Variants in GSK3B observed in about 807,000 individuals in gnomAD.
The protein encoded by GSK3B is glycogen synthase kinase-3 beta.
A neutral mutation model predicts 56.4 loss-of-function variants in GSK3B; 15 were observed. The observed-to-expected ratio is 0.27, with a 90% CI of 0.18 to 0.41. GSK3B has a LOEUF of 0.41. Among genes scored for constraint, GSK3B ranks in the 10% least tolerant of loss-of-function variants. GSK3B has a pLI of 1.00. For missense variants in GSK3B, 300 were observed against 513.4 expected (o/e 0.58, Z 4.02); for synonymous variants, 181 against 188.9 (o/e 0.96, Z 0.34).
At chr3:119,902,623 T>C (rs1322373928) in intron 7 of GSK3B, among the ~76,000 whole-genome samples, 2 of 152,130 alleles carry the variant, frequency 1.3e-5, no homozygotes, top group African/African-American at 4.8e-5. Context: ...TCTTGAACTC[T>C]TGACCTCAAG....
At chr3:119,996,725 CAT>C (rs1265321530) in intron 2 of GSK3B, among the ~76,000 whole-genome samples, 1 of 151,866 alleles carries the variant, frequency 6.6e-6, no homozygotes, top group Non-Finnish European at 1.5e-5. Flanking sequence ...AAGTATTTGA[CAT>C]ATTCTTTCTT....
Position 120,086,557 on chromosome 3 carries a change from G to A in GSK3B, c.88+6790C>T, listed in dbSNP as rs1277113227. On this transcript the variant is annotated intron_variant, in intron 1 of 10. Transcript: ENST00000264235. ...TCATGACTGTAATCCCAGCACTGTG[G>A]GAGGCTGAGGCAGGATTGCTTGATT... is the stretch of plus-strand genomic sequence containing the variant. Among the ~76,000 whole-genome samples, 3 of 152,166 alleles carry A rather than the reference G, an allele frequency of 2.0e-5. No individual in the cohort carries two copies. In the East Asian group the frequency reaches 5.8e-4, roughly 29 times the overall value.
At chr3:119,966,612 T>A (rs1199296347) in intron 2 of GSK3B, among the ~76,000 whole-genome samples, 2 of 152,172 alleles carry the variant, frequency 1.3e-5, no homozygotes, top group South Asian at 4.1e-4. Context: ...TCAGAGAGAC[T>A]GGCTGGGGGT....
intron 1 of GSK3B, among the ~76,000 whole-genome samples, chr3:120,003,911 C>T (rs1163110618): frequency 6.6e-6 from 1 of 152,230 alleles, no homozygotes; most frequent in Non-Finnish European, 1.5e-5. Context: ...GCAGGTGCAG[C>T]CCATGGAGGG....
chr3:119,892,457 C>G (rs1045333760), intron 7 of GSK3B, among the ~76,000 whole-genome samples: 4 of 152,164 alleles, frequency 2.6e-5, no homozygotes, highest in African/African-American at 9.7e-5. Flanking sequence ...GTTAGCTCTC[C>G]TAAGAAGGCT....
chr3:120,094,429 G>A lies in GSK3B; in HGVS notation c.-995C>T, dbSNP rs1360498984. On this transcript the variant is annotated 5_prime_UTR_variant, in exon 1 of 11. Transcript: ENST00000264235. ...GCGGCACAAGCCCGCATTCGCCCGG[G>A]TCAGGAGCTGCTCTGTGTGAGGAGC... is the stretch of plus-strand genomic sequence containing the variant. 2 of 309,604 alleles carry A rather than the reference G, an allele frequency of 6.5e-6. No individual in the cohort carries two copies. The highest frequency in any genetic ancestry group is 1.2e-5 in the Non-Finnish European group (2 of 167,006). The allele number at this position is 309,604 out of a possible 1,614,324, so 19.2% of individuals were successfully genotyped here. A position where few individuals can be genotyped will look rare whatever the true frequency, so the allele number is the denominator to read the frequency against.
At chr3:119,971,768 C>G (rs562368580) in intron 2 of GSK3B, among the ~76,000 whole-genome samples, 174 of 149,850 alleles carry the variant, frequency 1.2e-3, no homozygotes, top group African/African-American at 4.2e-3. Flanking sequence ...CCCGCCACTA[C>G]GCCCGGCTAA....
intron 7 of GSK3B, among the ~76,000 whole-genome samples, chr3:119,877,518 G>A (rs1019046413): frequency 2.0e-5 from 3 of 151,898 alleles, no homozygotes; most frequent in Admixed American, 6.6e-5. Context: ...ATCTGCAGTC[G>A]GTTGATTCTG....
intron 2 of GSK3B, among the ~76,000 whole-genome samples, chr3:119,995,580 T>C (rs2057608502): frequency 6.6e-6 from 1 of 151,504 alleles, no homozygotes; most frequent in Non-Finnish European, 1.5e-5. Context: ...TTCTCCTGCC[T>C]CAGTCACCGT....
intron 7 of GSK3B, among the ~76,000 whole-genome samples, chr3:119,882,874 T>C (rs974458755): frequency 6.6e-6 from 1 of 152,216 alleles, no homozygotes; most frequent in African/African-American, 2.4e-5. Context: ...TTACAATCAG[T>C]GGTCAGAGTT....
chr3:120,092,390 C>T (rs2058520067), intron 1 of GSK3B, among the ~76,000 whole-genome samples: 1 of 152,162 alleles, frequency 6.6e-6, no homozygotes, highest in Non-Finnish European at 1.5e-5. Flanking sequence ...CCACAGTTAT[C>T]TAAATATGAT....
At position 119,876,531 on chromosome 3, in the gene GSK3B, C is replaced by T. The variant is rs750822479; in HGVS notation, c.814-23G>A. On this transcript the variant is annotated intron_variant, in intron 7 of 10. Coordinates refer to ENST00000264235, the MANE Select transcript of GSK3B (RefSeq NM_001146156.2). ...GACCTAGAAAGAAAGCAAGTTATTG[C>T]CATCTTTTCCTATATATTTACAAAT... 1.0e-5 allele frequency: 13 copies of T among 1,251,382 alleles called. No individual in the cohort carries two copies. In the Admixed American group the frequency reaches 2.3e-4, roughly 22 times the overall value. The allele number at this position is 1,251,382 out of a possible 1,614,324, so 77.5% of individuals were successfully genotyped here.
chr3:119,872,434 A>T (rs1490871217), intron 8 of GSK3B, among the ~76,000 whole-genome samples: 4 of 152,146 alleles, frequency 2.6e-5, no homozygotes, highest in Non-Finnish European at 5.9e-5. Flanking sequence ...TTGTCATTAT[A>T]TGTATTTAAC....
intron 2 of GSK3B, among the ~76,000 whole-genome samples, chr3:119,971,601 AT>A (rs751790636): frequency 0.014 from 1,153 of 83,702 alleles, 2 homozygotes; most frequent in Middle Eastern, 0.021. Context: ...ATTTGCAATA[AT>A]TTTTTTTTTT....
At chr3:120,038,731 T>C (rs1050696936) in intron 1 of GSK3B, among the ~76,000 whole-genome samples, 2 of 151,522 alleles carry the variant, frequency 1.3e-5, no homozygotes, top group African/African-American at 4.9e-5. Context: ...TGCAAAGCTA[T>C]AAAACTTCTA....
At chr3:119,928,401 C>T (rs761332307) in intron 3 of GSK3B, among the ~76,000 whole-genome samples, 3 of 151,438 alleles carry the variant, frequency 2.0e-5, no homozygotes, top group Admixed American at 6.6e-5. Context: ...GTCAGGAGAT[C>T]GAGACCATCC....
chr3:119,859,162 A>G (rs181420312), intron 9 of GSK3B, among the ~76,000 whole-genome samples: 36 of 144,632 alleles, frequency 2.5e-4, no homozygotes, highest in African/African-American at 7.6e-4. Flanking sequence ...CAGAGTTGAC[A>G]CGAACGTTTT....
intron 1 of GSK3B, among the ~76,000 whole-genome samples, chr3:120,051,708 A>G (rs1422499397): frequency 1.3e-5 from 2 of 151,624 alleles, no homozygotes; most frequent in Non-Finnish European, 2.9e-5. Context: ...CGGAGGTCAC[A>G]GTGAGCAGAG....
chr3:119,908,245 T>C (rs1026533717), intron 6 of GSK3B, among the ~76,000 whole-genome samples: 6 of 152,174 alleles, frequency 3.9e-5, no homozygotes, highest in Non-Finnish European at 7.4e-5. Context: ...TGTTAACTTT[T>C]TGAGAACAAT....
Sources: allele counts gnomAD v4.1 joint callset (sites outside exome capture counted in the v4.1 genomes callset), GRCh38; gene constraint gnomAD v4.1.1; transcripts MANE v1.5; gene names NCBI Gene and HGNC (gene_info 2026-07-23, HGNC 2026-07-21).